Variants in SULF1 observed in about 807,000 individuals in gnomAD.
SULF1 encodes sulfatase 1, also known as extracellular sulfatase Sulf-1.
SULF1 carries 46 observed loss-of-function variants against 110.5 expected under a neutral mutation model. That is an observed-to-expected ratio of 0.42 (90% CI 0.33 to 0.53). The LOEUF (loss-of-function observed/expected upper bound fraction) is 0.53, where lower values mean the gene tolerates loss of function less well. Among genes scored for constraint, SULF1 ranks in the 20% least tolerant of loss-of-function variants. The pLI, the probability that SULF1 is intolerant of heterozygous loss-of-function variation, is 0.12. For synonymous variants in SULF1, 371 were observed against 387.1 expected (o/e 0.96, Z 0.49); for missense variants, 941 against 1,094.2 (o/e 0.86, Z 1.98).
chr8:69,638,468 T>C, intron 19 of SULF1, 34 bp from the exon 20 acceptor site: 1 of 1,601,994 alleles, frequency 6.2e-7, no homozygotes, highest in South Asian at 1.1e-5. Context: ...TTCACTCTTT[T>C]TGTTTTGTTG....
rs1194455166 is a variant in SULF1, at chr8:69,659,098, C to T, written c.*563C>T. The T allele has an allele frequency of 2.2e-6, 1 of 456,816 alleles. No individual in the cohort carries two copies. The highest frequency in any genetic ancestry group is 4.4e-6 in the Non-Finnish European group (1 of 227,034). 28.3% of individuals were successfully genotyped at this position (456,816 alleles called of 1,614,324 possible). ...CATTCGCAGGCACCCGAAAGAACTT[C>T]CCCAGTATGGTGGTCCTGGAAAGGA... On this transcript the variant is annotated 3_prime_UTR_variant, in exon 23 of 23. Coordinates refer to ENST00000402687, the MANE Select transcript of SULF1 (RefSeq NM_001128205.2).
intron 13 of SULF1, among the ~76,000 whole-genome samples, chr8:69,619,267 C>T (rs944381371): frequency 6.6e-6 from 1 of 151,924 alleles, no homozygotes; most frequent in Non-Finnish European, 1.5e-5. Context: ...ACTGATAGAC[C>T]TATATGGAAA....
intron 3 of SULF1, among the ~76,000 whole-genome samples, chr8:69,514,855 C>T (rs1811814567): frequency 6.6e-6 from 1 of 152,234 alleles, no homozygotes; most frequent in Admixed American, 6.5e-5. Context: ...AATCTCAAAG[C>T]TCCAAAATAA....
chr8:69,545,926 C>T (rs926101189), intron 3 of SULF1, among the ~76,000 whole-genome samples: 14 of 152,162 alleles, frequency 9.2e-5, no homozygotes, highest in African/African-American at 3.4e-4. Flanking sequence ...AACTCCTGAC[C>T]TCAGGTGATC....
intron 3 of SULF1, among the ~76,000 whole-genome samples, chr8:69,525,555 G>A (rs901394563): frequency 5.3e-5 from 8 of 152,042 alleles, no homozygotes; most frequent in Admixed American, 2.0e-4. Flanking sequence ...ATTAAGTAGA[G>A]GATTTCAAGG....
chr8:69,614,147 A>T (rs1227848609), intron 13 of SULF1, among the ~76,000 whole-genome samples: 1 of 152,164 alleles, frequency 6.6e-6, no homozygotes, highest in Admixed American at 6.5e-5. Context: ...CCATGTGCTG[A>T]GTTCTTACCG....
chr8:69,629,085 G>C (rs1314439913), intron 18 of SULF1, among the ~76,000 whole-genome samples: 2 of 152,146 alleles, frequency 1.3e-5, no homozygotes, highest in Admixed American at 1.3e-4. Context: ...CCAGGCTTTA[G>C]TGCGGTGGTG....
chr8:69,624,366 A>G (rs1223761764), intron 15 of SULF1, among the ~76,000 whole-genome samples, 169 bp downstream of exon 15: 1 of 152,236 alleles, frequency 6.6e-6, no homozygotes, highest in Admixed American at 6.5e-5. Flanking sequence ...AGTCCACGCA[A>G]TCATAGGCTT....
chr8:69,476,747 T>TGCCAGAC (rs1203043356), intron 1 of SULF1, among the ~76,000 whole-genome samples: 2 of 152,226 alleles, frequency 1.3e-5, no homozygotes, highest in Admixed American at 6.6e-5. Flanking sequence ...CACTCAGGGT[T>TGCCAGAC]GCCAGACATG....
At chr8:69,510,009 T>C (rs1811446625) in intron 3 of SULF1, among the ~76,000 whole-genome samples, 1 of 152,246 alleles carries the variant, frequency 6.6e-6, no homozygotes, top group African/African-American at 2.4e-5. Flanking sequence ...CCTCTAAATG[T>C]GACAGACAAT....
intron 6 of SULF1, among the ~76,000 whole-genome samples, chr8:69,578,682 C>T (rs1187808760): frequency 6.6e-6 from 1 of 151,880 alleles, no homozygotes. Context: ...TTGTGCAGCC[C>T]GAGAAGTTTG....
intron 13 of SULF1, 122 bp from the exon 14 acceptor site, chr8:69,620,913 C>G (rs971362879): frequency 1.5e-6 from 1 of 687,314 alleles, no homozygotes; most frequent in Non-Finnish European, 2.3e-6. Flanking sequence ...TTCATTCACT[C>G]TCCTTAATGA....
At chr8:69,640,938 G>C (rs1175602208) in intron 22 of SULF1, 97 bp downstream of exon 22, 3 of 1,160,774 alleles carry the variant, frequency 2.6e-6, no homozygotes, top group Non-Finnish European at 3.7e-6. Flanking sequence ...GTGTTGCACA[G>C]AGCAAAGCTG....
At chr8:69,586,121 T>C (rs946250487) in intron 6 of SULF1, among the ~76,000 whole-genome samples, 2 of 152,206 alleles carry the variant, frequency 1.3e-5, no homozygotes, top group African/African-American at 4.8e-5. Flanking sequence ...ATTATGATGG[T>C]TTCATTGAGC....
At chr8:69,523,697 G>A (rs1308932676) in intron 3 of SULF1, among the ~76,000 whole-genome samples, 1 of 152,066 alleles carries the variant, frequency 6.6e-6, no homozygotes, top group Non-Finnish European at 1.5e-5. Flanking sequence ...ACCCTCCCCT[G>A]ATAAGGAGGG....
intron 6 of SULF1, among the ~76,000 whole-genome samples, chr8:69,584,182 C>G (rs764716426): frequency 1.3e-5 from 2 of 152,118 alleles, no homozygotes; most frequent in African/African-American, 2.4e-5. Flanking sequence ...CAGTGGCAAT[C>G]GAAGTGGAAA....
Position 69,629,728 on chromosome 8 carries a change from C to T in SULF1, c.2284+49C>T, listed in dbSNP as rs371555753. On this transcript the variant is annotated intron_variant, in intron 19 of 22. Coordinates refer to ENST00000402687, the MANE Select transcript of SULF1 (RefSeq NM_001128205.2). ...ACTTCCTGCCGCCATGCAGAGACAGCGACTCATAACTTAGATCAGAAATTC... is the reference window on the plus strand; with the variant it reads ...ACTTCCTGCCGCCATGCAGAGACAGTGACTCATAACTTAGATCAGAAATTC... The T allele has an allele frequency of 4.0e-4, 577 of 1,451,808 alleles. 1 individual carries two copies. In the African/African-American group the frequency reaches 6.7e-3, roughly 17 times the overall value. The allele number at this position is 1,451,808 out of a possible 1,614,324, so 89.9% of individuals were successfully genotyped here.
chr8:69,641,987 G>A (rs1219277339), intron 22 of SULF1, among the ~76,000 whole-genome samples: 2 of 151,978 alleles, frequency 1.3e-5, no homozygotes, highest in Admixed American at 1.3e-4. Context: ...AGGCAGGTCT[G>A]CCACCCGAAG....
At chr8:69,515,863 G>A (rs1394150256) in intron 3 of SULF1, among the ~76,000 whole-genome samples, 1 of 152,186 alleles carries the variant, frequency 6.6e-6, no homozygotes, top group Non-Finnish European at 1.5e-5. Context: ...AATGCCACCA[G>A]TCTCTTTGCT....
Sources: allele counts gnomAD v4.1 joint callset (sites outside exome capture counted in the v4.1 genomes callset), GRCh38; gene constraint gnomAD v4.1.1; transcripts MANE v1.5; gene names NCBI Gene and HGNC (gene_info 2026-07-23, HGNC 2026-07-21).